The following ERC1 variants were observed in gnomAD, a reference collection of about 807,000 sequenced individuals.
ERC1 encodes the protein ELKS/RAB6-interacting/CAST family member 1, also known as RAB6 interacting protein 2.
Under a neutral mutation model 132.0 loss-of-function variants are expected in ERC1, and 56 were observed. The observed-to-expected ratio is 0.42, with a 90% CI of 0.34 to 0.53. The LOEUF (loss-of-function observed/expected upper bound fraction) is 0.53. Ranked by LOEUF, ERC1 falls within the 20% of genes least tolerant of loss-of-function variation. The probability of loss-of-function intolerance (pLI) is 0.03; values close to 1 mark genes in which losing one functional copy is unlikely to be tolerated. For missense variants in ERC1, 1,202 were observed against 1,349.9 expected, an observed-to-expected ratio of 0.89 and a Z score of 1.72; for synonymous variants, 478 against 476.1, an observed-to-expected ratio of 1.00 and a Z score of -0.05.
At chr12:1,447,029 G>GA (rs761299655) in intron 18 of ERC1, among the ~76,000 whole-genome samples, 6,845 of 101,302 alleles carry the variant, frequency 0.068, 546 homozygotes, top group African/African-American at 0.21. Flanking sequence ...TCTCTAAAAC[G>GA]AAAAAAAAAA....
intron 15 of ERC1, among the ~76,000 whole-genome samples, chr12:1,313,347 G>T (rs888084713): frequency 6.6e-6 from 1 of 152,122 alleles, no homozygotes; most frequent in Admixed American, 6.5e-5. Context: ...AAGGAGGCTG[G>T]AATATCACGT....
chr12:1,420,466 T>A (rs2092379133), intron 17 of ERC1, among the ~76,000 whole-genome samples: 1 of 150,334 alleles, frequency 6.7e-6, no homozygotes, highest in African/African-American at 2.5e-5. Flanking sequence ...TATTTGTTTA[T>A]TTATTTTGAG....
intron 15 of ERC1, among the ~76,000 whole-genome samples, chr12:1,336,229 G>A (rs1038226465): frequency 6.6e-6 from 1 of 150,856 alleles, no homozygotes; most frequent in Non-Finnish European, 1.5e-5. Flanking sequence ...TCCTTTATAT[G>A]GGTTTTCATG....
At chr12:1,333,959 G>A (rs73038635) in intron 15 of ERC1, among the ~76,000 whole-genome samples, 58,546 of 151,992 alleles carry the variant, frequency 0.39, 11,556 homozygotes, top group Middle Eastern at 0.44. Context: ...TCTGACTGGT[G>A]TGAGATAATA....
intron 8 of ERC1, among the ~76,000 whole-genome samples, chr12:1,156,399 C>T (rs1951403124): frequency 6.6e-6 from 1 of 152,064 alleles, no homozygotes; most frequent in Non-Finnish European, 1.5e-5. Context: ...CACCACCACA[C>T]CTGGCTAATT....
intron 15 of ERC1, among the ~76,000 whole-genome samples, chr12:1,322,426 C>A (rs1050294671): frequency 1.3e-5 from 2 of 152,106 alleles, no homozygotes; most frequent in African/African-American, 4.8e-5. Context: ...TAGATTCTTT[C>A]CATTATACCA....
intron 8 of ERC1, among the ~76,000 whole-genome samples, chr12:1,178,725 T>C (rs1287455479): frequency 1.3e-5 from 2 of 152,136 alleles, no homozygotes; most frequent in African/African-American, 4.8e-5. Context: ...CAAGAGGAGA[T>C]GGTGATTATA....
chr12:1,419,671 G>C (rs765637634), intron 17 of ERC1, among the ~76,000 whole-genome samples: 1 of 151,790 alleles, frequency 6.6e-6, no homozygotes, highest in Non-Finnish European at 1.5e-5. Flanking sequence ...AGGAATTGTC[G>C]TTTAGTGGAT....
At chr12:1,196,806 TTCTC>T (rs755412381) in intron 12 of ERC1, among the ~76,000 whole-genome samples, 1,353 of 90,332 alleles carry the variant, frequency 0.015, 82 homozygotes, top group African/African-American at 0.056. Flanking sequence ...CGCACGCTAT[TTCTC>T]TCTCTCTCTC....
At chr12:1,018,966 A>G (rs1357294249) in intron 1 of ERC1, among the ~76,000 whole-genome samples, 1 of 152,192 alleles carries the variant, frequency 6.6e-6, no homozygotes, top group Non-Finnish European at 1.5e-5. Context: ...GGGCAGAAGA[A>G]GGTCATGGAA....
At chr12:1,366,548 T>G (rs1346104301) in intron 15 of ERC1, among the ~76,000 whole-genome samples, 1 of 152,210 alleles carries the variant, frequency 6.6e-6, no homozygotes, top group East Asian at 1.9e-4. Context: ...AGAGAGTCCT[T>G]GGAAGACAGT....
Position 1,180,632 on chromosome 12 carries a change from C to T in ERC1, c.1830C>T (p.Asn610=). Reference sequence around the variant, plus strand: ...AATCCTTGCAGGCTGACACCACCAACACTGACACTGCCTTGACAACTTTGG... The same window carrying T: ...AATCCTTGCAGGCTGACACCACCAATACTGACACTGCCTTGACAACTTTGG... ...RVKSLQADTT[N]TDTALTTLEE... Residue 610 remains asparagine (N), a synonymous_variant, in exon 9 of 19, where the codon AAC becomes AAT. Transcript: ENST00000360905. The T allele has an allele frequency of 6.2e-7, 1 of 1,614,090 alleles. No individual in the cohort carries two copies. Among genetic ancestry groups the T allele is most frequent in the Non-Finnish European group, 8.5e-7 (1 of 1,180,034 alleles).
chr12:1,189,526 T>A lies in ERC1; in HGVS notation c.2158-333T>A, dbSNP rs1301992556. ...CCTGGTGTTGCCTTTTGATATTCTC[T>A]TGGAGAGATCAATAACAACAGTTCA... On this transcript the variant is annotated intron_variant, in intron 11 of 18. Coordinates refer to ENST00000360905, the MANE Select transcript of ERC1 (RefSeq NM_178040.4). Among the ~76,000 whole-genome samples, 6 of 152,302 alleles carry A rather than the reference T, an allele frequency of 3.9e-5. 1 individual carries two copies. In the South Asian group the frequency reaches 8.3e-4, roughly 21 times the overall value.
intron 2 of ERC1, among the ~76,000 whole-genome samples, chr12:1,076,314 G>A (rs1941324712): frequency 6.6e-6 from 1 of 151,942 alleles, no homozygotes; most frequent in Non-Finnish European, 1.5e-5. Flanking sequence ...ATTTTTATTA[G>A]GACTGTGGTT....
intron 7 of ERC1, among the ~76,000 whole-genome samples, chr12:1,124,965 T>C (rs1947992316): frequency 6.6e-6 from 1 of 152,000 alleles, no homozygotes; most frequent in Non-Finnish European, 1.5e-5. Context: ...AAGGCCCAGA[T>C]GGCTTTCGAG....
At chr12:1,006,906 C>CA (rs1963718650) in intron 1 of ERC1, among the ~76,000 whole-genome samples, 1 of 150,316 alleles carries the variant, frequency 6.7e-6, no homozygotes, top group Non-Finnish European at 1.5e-5. Flanking sequence ...GTTCCTCATT[C>CA]AAAAAATATG....
intron 15 of ERC1, among the ~76,000 whole-genome samples, chr12:1,320,976 C>T (rs977122970): frequency 6.6e-6 from 1 of 152,234 alleles, no homozygotes; most frequent in Non-Finnish European, 1.5e-5. Context: ...ACTGGGATTA[C>T]AGGCATGAGC....
At chr12:1,251,900 G>A (rs2076491931) in intron 13 of ERC1, among the ~76,000 whole-genome samples, 1 of 152,096 alleles carries the variant, frequency 6.6e-6, no homozygotes, top group African/African-American at 2.4e-5. Flanking sequence ...GAAATGAATG[G>A]TTTACTCCTT....
At chr12:1,058,334 A>C (rs181756806) in intron 2 of ERC1, among the ~76,000 whole-genome samples, 1 of 152,058 alleles carries the variant, frequency 6.6e-6, no homozygotes. Context: ...CAGGTCTTAC[A>C]TTTAAGTCTT....
Sources: allele counts gnomAD v4.1 joint callset (sites outside exome capture counted in the v4.1 genomes callset), GRCh38; gene constraint gnomAD v4.1.1; transcripts MANE v1.5; gene names NCBI Gene and HGNC (gene_info 2026-07-23, HGNC 2026-07-21).